Variants in SLC45A4 observed in about 807,000 individuals in gnomAD.
SLC45A4 encodes the protein polyamine-transporter SLC45A4.
Under a neutral mutation model 63.7 loss-of-function variants are expected in SLC45A4, and 32 were observed. The ratio of observed to expected loss-of-function variants is 0.50; its 90% CI spans 0.38 to 0.67. The LOEUF (loss-of-function observed/expected upper bound fraction) is 0.67. Among genes scored for constraint, SLC45A4 ranks in the 30% least tolerant of loss-of-function variants. The pLI is 0.00. For missense variants in SLC45A4, 1,027 were observed against 1,157.7 expected, an observed-to-expected ratio of 0.89 and a Z score of 1.64; for synonymous variants, 535 against 510.0, an observed-to-expected ratio of 1.05 and a Z score of -0.66.
At position 141,256,523 on chromosome 8, in the gene SLC45A4, G is replaced by A. The variant is rs866602873; in HGVS notation, c.-400-1894C>T. 3 of 456,042 alleles carry A rather than the reference G, an allele frequency of 6.6e-6. No individual in the cohort carries two copies. The highest frequency in any genetic ancestry group is 6.9e-5 in the East Asian group (1 of 14,390). The allele number at this position is 456,042 out of a possible 1,614,324, so 28.2% of individuals were successfully genotyped here. A position where few individuals can be genotyped will look rare whatever the true frequency, so the allele number is the denominator to read the frequency against. On this transcript the variant is annotated intron_variant, in intron 1 of 8. Coordinates refer to ENST00000517878, the MANE Select transcript of SLC45A4 (RefSeq NM_001286646.2). This position sits in a 1 kb window ranked among gnomAD's most constrained non-coding sequence, Gnocchi z 4.3. ...GATGGAGAAGGTGGGTCCCTGGCAC[G>A]TGGGCCCCAGGAGGGAGAAGACTCC...
At chr8:141,220,070 T>G (rs1396318559) in intron 3 of SLC45A4, among the ~76,000 whole-genome samples, 1 of 152,200 alleles carries the variant, frequency 6.6e-6, no homozygotes, top group African/African-American at 2.4e-5. Context: ...TTATCAGACC[T>G]CCAAGGGTTT....
intron 2 of SLC45A4, among the ~76,000 whole-genome samples, chr8:141,241,407 G>T (rs866922665): frequency 6.6e-6 from 1 of 152,158 alleles, no homozygotes; most frequent in Non-Finnish European, 1.5e-5. Flanking sequence ...TGCTGCCTTC[G>T]GGGAAGGGAG....
chr8:141,213,148 G>A (rs890772946), intron 7 of SLC45A4, among the ~76,000 whole-genome samples: 6 of 152,208 alleles, frequency 3.9e-5, no homozygotes, highest in Non-Finnish European at 7.3e-5. Context: ...AAACAAAGCA[G>A]CTCTAAATGT....
At chr8:141,212,052 G>T in intron 8 of SLC45A4, 145 bp downstream of exon 8, 1 of 1,364,974 alleles carries the variant, frequency 7.3e-7, no homozygotes, top group South Asian at 1.9e-5. Flanking sequence ...TGGGGGCGGA[G>T]GGGCTCTGGC....
At chr8:141,253,290 TGC>T (rs1253400252) in intron 2 of SLC45A4, 1 of 181,462 alleles carries the variant, frequency 5.5e-6, no homozygotes, top group African/African-American at 2.4e-5. Flanking sequence ...CATGCCCACC[TGC>T]GTGTGTCTGT....
chr8:141,212,077 C>A, intron 8 of SLC45A4, 120 bp downstream of exon 8: 1 of 1,410,338 alleles, frequency 7.1e-7, no homozygotes, highest in East Asian at 2.6e-5. Context: ...ACTGCCGGGT[C>A]GGCCACAGCA....
intron 1 of SLC45A4, among the ~76,000 whole-genome samples, chr8:141,302,258 T>C (rs1023524341): frequency 1.3e-5 from 2 of 151,926 alleles, no homozygotes; most frequent in African/African-American, 4.8e-5. Flanking sequence ...TTTTTCAAAG[T>C]TTTTTTTGTT....
intron 2 of SLC45A4, among the ~76,000 whole-genome samples, chr8:141,230,525 A>T (rs1432250111): frequency 6.6e-6 from 1 of 152,236 alleles, no homozygotes; most frequent in African/African-American, 2.4e-5. Context: ...TGAAGCCCCA[A>T]GCGTGCCCAG....
Position 141,283,864 on chromosome 8 carries a change from C to T in SLC45A4, c.-401+24232G>A, listed in dbSNP as rs541383054. On this transcript the variant is annotated intron_variant, in intron 1 of 8. Transcript: ENST00000517878. ...GAAAACTCCCAGAACCAGCACGTTA[C>T]AAAGCACTTAGGGACATCAAAGCCC... 2.0e-5 allele frequency among the ~76,000 whole-genome samples: 3 copies of T among 152,286 alleles called. No homozygotes were observed. In the South Asian group the frequency reaches 6.2e-4, roughly 32 times the overall value.
At chr8:141,273,062 A>G (rs955791597) in intron 1 of SLC45A4, among the ~76,000 whole-genome samples, 1 of 152,238 alleles carries the variant, frequency 6.6e-6, no homozygotes, top group South Asian at 2.1e-4. Context: ...CGTAGCAAAC[A>G]CGCGAGAAGA....
At chr8:141,303,952 C>T (rs931479079) in intron 1 of SLC45A4, among the ~76,000 whole-genome samples, 20 of 152,236 alleles carry the variant, frequency 1.3e-4, no homozygotes, top group African/African-American at 4.6e-4. Flanking sequence ...CAGGATCCCA[C>T]TCTGGACTGG....
chr8:141,264,704 C>T (rs1013005717), intron 1 of SLC45A4, among the ~76,000 whole-genome samples: 4 of 152,346 alleles, frequency 2.6e-5, no homozygotes, highest in East Asian at 3.9e-4. Context: ...TCCACCCTGA[C>T]GCCTTCGGGG....
intron 1 of SLC45A4, among the ~76,000 whole-genome samples, chr8:141,271,125 G>A (rs905042107): frequency 5.9e-5 from 9 of 152,222 alleles, no homozygotes; most frequent in African/African-American, 1.9e-4. Flanking sequence ...CGCCTCCGGC[G>A]CCCAGCACAC....
intron 2 of SLC45A4, among the ~76,000 whole-genome samples, chr8:141,236,087 G>A (rs1400878222): frequency 1.3e-5 from 2 of 152,198 alleles, no homozygotes; most frequent in African/African-American, 4.8e-5. Flanking sequence ...CTGGGCGACA[G>A]AGCAAGACTC....
intron 1 of SLC45A4, among the ~76,000 whole-genome samples, chr8:141,268,807 A>G (rs1356510329): frequency 2.0e-5 from 3 of 152,194 alleles, no homozygotes; most frequent in Admixed American, 6.5e-5. Flanking sequence ...ACACCTGAAC[A>G]AAGTGTCCTA....
chr8:141,274,695 G>A lies in SLC45A4; in HGVS notation c.-400-20066C>T, dbSNP rs181821776. Among the ~76,000 whole-genome samples the A allele has an allele frequency of 3.5e-3, 536 of 152,242 alleles. 2 individuals carry two copies. Among genetic ancestry groups the A allele is most frequent in the African/African-American group, 9.9e-3 (410 of 41,546 alleles). The stretch of plus-strand genomic sequence containing the variant: ...CACTCTCCTCAATACCAGGGGCTCC[G>A]CCAGAAACTAAGGCTGAAGGTCAGC... On this transcript the variant is annotated intron_variant, in intron 1 of 8. Coordinates refer to ENST00000517878, the MANE Select transcript of SLC45A4 (RefSeq NM_001286646.2).
At chr8:141,290,150 A>G (rs1830294452) in intron 1 of SLC45A4, among the ~76,000 whole-genome samples, 1 of 152,208 alleles carries the variant, frequency 6.6e-6, no homozygotes, top group South Asian at 2.1e-4. Context: ...TGTATATATT[A>G]TACATGATCT....
intron 1 of SLC45A4, among the ~76,000 whole-genome samples, chr8:141,303,065 T>C (rs937676625): frequency 6.8e-6 from 1 of 146,454 alleles, no homozygotes; most frequent in African/African-American, 2.5e-5. Flanking sequence ...GGGTGTGATC[T>C]CCCCTCACTG....
intron 1 of SLC45A4, among the ~76,000 whole-genome samples, chr8:141,301,868 G>A (rs899459594): frequency 2.6e-5 from 4 of 151,820 alleles, no homozygotes; most frequent in Admixed American, 2.0e-4. Context: ...AGGCTGGAGA[G>A]AGAGAATTGC....
Sources: allele counts gnomAD v4.1 joint callset (sites outside exome capture counted in the v4.1 genomes callset), GRCh38; gene constraint gnomAD v4.1.1; non-coding constraint Gnocchi (gnomAD v3.1); transcripts MANE v1.5; gene names NCBI Gene and HGNC (gene_info 2026-07-23, HGNC 2026-07-21).